The following INCA1 variants were observed in gnomAD, a reference collection of about 807,000 sequenced individuals.
The protein encoded by INCA1 is inhibitor of CDK, cyclin A1 interacting protein 1, also known as protein INCA1.
INCA1 carries 28 observed loss-of-function variants against 25.7 expected under a neutral mutation model. That is an observed-to-expected ratio of 1.09 (90% confidence interval 0.81 to 1.49). INCA1 has a LOEUF of 1.49. INCA1 is among the 40% of genes most tolerant of loss of function. The pLI, the probability that INCA1 is intolerant of heterozygous loss-of-function variation, is 0.00. For synonymous variants in INCA1, 111 were observed against 103.6 expected (o/e 1.07, Z -0.43); for missense variants, 309 against 290.9 (o/e 1.06, Z -0.45).
In INCA1 at chr17:4,989,872, G is replaced by C; in HGVS notation, c.198+18C>G. On this transcript the variant is annotated intron_variant, in intron 4 of 6. Coordinates refer to ENST00000576820, the Ensembl canonical transcript of INCA1. ...AATTTTAACAGAGAAATGTTAAACGGCAGAGGGTCTGTCTTACCAGCATGG... is the reference window on the plus strand; with the variant it reads ...AATTTTAACAGAGAAATGTTAAACGCCAGAGGGTCTGTCTTACCAGCATGG... 6.2e-7 allele frequency: 1 copy of C among 1,614,206 alleles called. No homozygotes were observed. Among genetic ancestry groups the C allele is most frequent in the African/African-American group, 1.3e-5 (1 of 75,064 alleles).
In INCA1 at chr17:4,988,762, T is replaced by C. The variant is rs770443865; in HGVS notation, c.561+17A>G. 6.2e-7 allele frequency: 1 copy of C among 1,613,988 alleles called. No homozygotes were observed. The highest frequency in any genetic ancestry group is 8.5e-7 in the Non-Finnish European group (1 of 1,179,876). On this transcript the variant is annotated intron_variant, in intron 6 of 6. Coordinates refer to ENST00000576820, the Ensembl canonical transcript of INCA1. ...CACATCACTCCCTCACTCCACCCAG[T>C]TCCACTCCAACAATACCTGGGCCCT... is the stretch of plus-strand genomic sequence containing the variant.
At chr17:4,988,988 G>A in intron 5 of INCA1, 44 bp from the exon 6 acceptor site, 1 of 1,567,384 alleles carries the variant, frequency 6.4e-7, no homozygotes, top group Non-Finnish European at 8.7e-7. Context: ...TGGAGGCCAG[G>A]CTTCCTGTCT....
chr17:4,990,232 T>TG lies in INCA1; in HGVS notation c.77dup (p.Arg27LysfsTer23), dbSNP rs759034093. On this transcript the variant is annotated frameshift_variant, in exon 3 of 7. Transcript: ENST00000576820. LOFTEE classifies it high-confidence loss of function. ...GTCTGAGGCTCTGGGAAGGCAACCT[T>TG]GGGGGTGGAGATCGGCTGACCACCC... The TG allele has an allele frequency of 6.2e-7, 1 of 1,613,960 alleles. No individual in the cohort carries two copies. Among genetic ancestry groups the TG allele is most frequent in the Non-Finnish European group, 8.5e-7 (1 of 1,179,958 alleles).
chr17:4,995,622 T>C (rs1974187088), intron 1 of INCA1, among the ~76,000 whole-genome samples: 1 of 151,094 alleles, frequency 6.6e-6, no homozygotes, highest in African/African-American at 2.4e-5. Flanking sequence ...CAGAGAGACG[T>C]CATCTCTATT....
Position 4,989,447 on chromosome 17 carries a change from G to A in INCA1, c.376C>T (p.Arg126Cys), listed in dbSNP as rs144187187. Reference sequence around the variant, plus strand: ...CCTTACTCGTTGATGATGCTCTGACGCCTTCTTAGGTCCTCCAGGTGGTAA... The same window carrying A: ...CCTTACTCGTTGATGATGCTCTGACACCTTCTTAGGTCCTCCAGGTGGTAA... Residue 126 changes from arginine (R) to cysteine (C), a missense_variant, in exon 5 of 7, where the codon CGT (arginine) becomes TGT (cysteine). Coordinates refer to ENST00000576820, the Ensembl canonical transcript of INCA1. 2.8e-4 allele frequency: 446 copies of A among 1,613,554 alleles called. 3 individuals are homozygous for A. The highest frequency in any genetic ancestry group is 6.6e-4 in the Middle Eastern group (4 of 6,082).
At chr17:4,992,995 T>C (rs1973976805) in intron 2 of INCA1, among the ~76,000 whole-genome samples, 1 of 152,154 alleles carries the variant, frequency 6.6e-6, no homozygotes, top group South Asian at 2.1e-4. Context: ...TTCTCCTGCC[T>C]CAGCCTCCTG....
In INCA1 at chr17:4,989,603, G is replaced by T. The variant is rs1237740424; in HGVS notation, c.220C>A (p.Leu74Ile). 6.8e-6 allele frequency: 11 copies of T among 1,613,812 alleles called. No homozygotes were observed. In the Admixed American group the frequency reaches 1.8e-4, roughly 27 times the overall value. ...AGCTGCTCAGGAGGATACAGACCAA[G>T]CTGGGAGCAACCAGTGGCTCTCTGT... Residue 74 changes from leucine (L) to isoleucine (I), a missense_variant, in exon 5 of 7, where the codon CTT becomes ATT. Coordinates refer to ENST00000576820, the Ensembl canonical transcript of INCA1.
chr17:4,989,139 A>C (rs548628121), intron 5 of INCA1, among the ~76,000 whole-genome samples, 195 bp from the exon 6 acceptor site: 32 of 150,730 alleles, frequency 2.1e-4, no homozygotes, highest in Admixed American at 6.0e-4. Context: ...GGTGACCCCA[A>C]CCTCCCCACT....
Position 4,989,426 on chromosome 17 carries a change from ACTCGTTGATGATG to A in INCA1, c.384_395+1del. On this transcript the variant is annotated splice_donor_variant and coding_sequence_variant, in exon 5 of 7. Transcript: ENST00000576820. LOFTEE classifies it high-confidence loss of function. ...CAGAACCCAGATGTCTCCCTTCCTT[ACTCGTTGATGATG>A]CTCTGACGCCTTCTTAGGTCCTCCA... is the stretch of plus-strand genomic sequence containing the variant. 6.2e-7 allele frequency: 1 copy of A among 1,609,990 alleles called. No individual in the cohort carries two copies. The highest frequency in any genetic ancestry group is 1.3e-5 in the African/African-American group (1 of 74,598).
In INCA1 at chr17:4,989,901, G is replaced by T. The variant is rs971121522; in HGVS notation, c.187C>A (p.Pro63Thr). The T allele has an allele frequency of 9.3e-6, 15 of 1,614,074 alleles. No homozygotes were observed. The highest frequency in any genetic ancestry group is 1.3e-5 in the Non-Finnish European group (15 of 1,180,034). ...AGGGTCTGTCTTACCAGCATGGGTGGAATGTGCTGCTCCTCCAGCCAAGTG... is the reference window on the plus strand; with the variant it reads ...AGGGTCTGTCTTACCAGCATGGGTGTAATGTGCTGCTCCTCCAGCCAAGTG... Residue 63 changes from proline (P) to threonine (T), a missense_variant, in exon 4 of 7, where the codon CCA becomes ACA. Transcript: ENST00000576820.
chr17:4,996,539 G>A (rs187745576), intron 1 of INCA1, among the ~76,000 whole-genome samples: 60 of 151,518 alleles, frequency 4.0e-4, no homozygotes, highest in Admixed American at 3.9e-3. Context: ...AAAATTAGCC[G>A]GGTGTGGTGG....
chr17:4,989,436 G>A (rs1426993136), exon 5 of INCA1: 1 of 1,612,734 alleles, frequency 6.2e-7, no homozygotes, highest in Non-Finnish European at 8.5e-7. Flanking sequence ...ACTCGTTGAT[G>A]ATGCTCTGAC....
exon 2 of INCA1, chr17:4,994,402 G>C (rs952542670): frequency 6.2e-7 from 1 of 1,613,890 alleles, no homozygotes; most frequent in Non-Finnish European, 8.5e-7. Flanking sequence ...ACTTGGCAAA[G>C]GGGATGAGGT....
exon 5 of INCA1, chr17:4,989,527 T>G (rs1973678778): frequency 6.2e-7 from 1 of 1,614,056 alleles, no homozygotes; most frequent in African/African-American, 1.3e-5. Flanking sequence ...CTGCATTCCT[T>G]CCAAACATGG....
chr17:4,990,359 T>C (rs1392869416), intron 2 of INCA1, 94 bp from the exon 3 acceptor site: 1 of 1,415,918 alleles, frequency 7.1e-7, no homozygotes, highest in South Asian at 1.4e-5. Flanking sequence ...CATGGGACTA[T>C]AAAGCTGCCC....
chr17:4,988,232 T>G (rs1973501658), exon 7 of INCA1: 1 of 625,576 alleles, frequency 1.6e-6, no homozygotes, highest in South Asian at 2.7e-5. Flanking sequence ...AGCGGTGGGT[T>G]GAGATGGGAG....
chr17:4,994,406 A>G (rs751487935), exon 2 of INCA1: 2 of 1,613,698 alleles, frequency 1.2e-6, no homozygotes, highest in Non-Finnish European at 1.7e-6. Context: ...GGCAAAGGGG[A>G]TGAGGTTGAC....
At chr17:4,996,424 G>A (rs1974267040) in intron 1 of INCA1, among the ~76,000 whole-genome samples, 1 of 151,046 alleles carries the variant, frequency 6.6e-6, no homozygotes, top group Non-Finnish European at 1.5e-5. Flanking sequence ...GCTCAAGACT[G>A]TAATCCCAGC....
chr17:4,990,869 G>C (rs767763013), intron 2 of INCA1, among the ~76,000 whole-genome samples: 35 of 149,934 alleles, frequency 2.3e-4, no homozygotes, highest in Non-Finnish European at 4.6e-4. Context: ...GGTGACAAGA[G>C]AGAAACTCCG....
Sources: gnomAD v4.1 joint callset for allele counts (sites outside exome capture counted in the v4.1 genomes callset) on GRCh38, gnomAD v4.1.1 for gene constraint, MANE v1.5 for transcripts, NCBI Gene and HGNC (gene_info 2026-07-23, HGNC 2026-07-21) for gene names.